The following MALT1 variants were observed in gnomAD, a reference collection of about 807,000 sequenced individuals.
MALT1 encodes MALT1 paracaspase.
A neutral mutation model predicts 85.5 loss-of-function variants in MALT1; 36 were observed. That is an observed-to-expected ratio of 0.42 (90% CI 0.32 to 0.56). The LOEUF (loss-of-function observed/expected upper bound fraction) is 0.56. Ranked by LOEUF, MALT1 falls within the 20% of genes least tolerant of loss-of-function variation. The probability of loss-of-function intolerance (pLI) is 0.10; values close to 1 mark genes in which losing one functional copy is unlikely to be tolerated. For missense variants in MALT1, 716 were observed against 981.6 expected, an observed-to-expected ratio of 0.73 and a Z score of 3.62; for synonymous variants, 359 against 361.3, an observed-to-expected ratio of 0.99 and a Z score of 0.07.
intron 9 of MALT1, among the ~76,000 whole-genome samples, chr18:58,718,508 C>T (rs2054935654): frequency 6.6e-6 from 1 of 152,146 alleles, no homozygotes; most frequent in Non-Finnish European, 1.5e-5. Flanking sequence ...CCCTATTGTG[C>T]ACTCCTTAGG....
rs573428123 is a variant in MALT1 at position 58,720,097 on chromosome 18, ATTC to A, written c.1019-2948_1019-2946del. Among the ~76,000 whole-genome samples, 566 of 152,304 alleles carry A rather than the reference ATTC, an allele frequency of 3.7e-3. 4 individuals carry two copies. Among genetic ancestry groups the A allele is most frequent in the African/African-American group, 0.013 (552 of 41,566 alleles). Reference sequence around the variant, plus strand: ...AATGTCTTTCTGAAGTGGCTTCATTATTCTTTTGCTGAATCCACTGGCATTTTT... The same window carrying A: ...AATGTCTTTCTGAAGTGGCTTCATTATTTTGCTGAATCCACTGGCATTTTT... On this transcript the variant is annotated intron_variant, in intron 9 of 16. Coordinates refer to ENST00000649217, the MANE Select transcript of MALT1 (RefSeq NM_006785.4).
At chr18:58,682,788 C>G (rs2054341262) in intron 2 of MALT1, among the ~76,000 whole-genome samples, 1 of 152,170 alleles carries the variant, frequency 6.6e-6, no homozygotes, top group South Asian at 2.1e-4. Flanking sequence ...ATGGAAAGGG[C>G]CCTGGATTAT....
intron 1 of MALT1, among the ~76,000 whole-genome samples, 196 bp downstream of exon 1, chr18:58,672,048 G>A (rs1335322516): frequency 6.6e-6 from 1 of 152,204 alleles, no homozygotes; most frequent in African/African-American, 2.4e-5. Flanking sequence ...TGAGAGCGGG[G>A]CCCAGGGCTC....
Position 58,689,829 on chromosome 18 carries a change from G to A in MALT1, c.377-6537G>A, listed in dbSNP as rs955749267. On this transcript the variant is annotated intron_variant, in intron 2 of 16. Transcript: ENST00000649217. ...TGGCGGTTGCGGGGGATGGCAAAGC[G>A]GAGCTTGTGGGGAGAACCCAGCAGA... Among the ~76,000 whole-genome samples the A allele has an allele frequency of 2.3e-4, 35 of 152,184 alleles. 1 individual carries two copies. Among genetic ancestry groups the A allele is most frequent in the African/African-American group, 1.2e-4 (5 of 41,444 alleles).
chr18:58,703,732 T>C (rs953112857), intron 4 of MALT1, among the ~76,000 whole-genome samples: 4 of 152,320 alleles, frequency 2.6e-5, no homozygotes, highest in Non-Finnish European at 5.9e-5. Flanking sequence ...GGATTACAGT[T>C]CGAGATGAAA....
rs1213570087 is a variant in MALT1, at chr18:58,735,238, T to C, written c.1512T>C (p.Ser504=). ...QGAEAFEIQH[S]GLANGIFMKF... is the part of the protein sequence containing the mutation. ...CAGAAGCTTTTGAAATCCAGCATTCTGGATTGGCAAATGGAATCTTTATGA... is the reference window on the plus strand; with the variant it reads ...CAGAAGCTTTTGAAATCCAGCATTCCGGATTGGCAAATGGAATCTTTATGA... The change falls in exon 13 of 17, where the codon TCT becomes TCC. Residue 504 remains serine (S), a synonymous_variant. Coordinates refer to ENST00000649217, the MANE Select transcript of MALT1 (RefSeq NM_006785.4). The C allele has an allele frequency of 1.9e-6, 3 of 1,610,412 alleles. No individual in the cohort carries two copies. The highest frequency in any genetic ancestry group is 1.7e-6 in the Non-Finnish European group (2 of 1,179,426).
At chr18:58,742,700 G>A (rs948707301) in intron 14 of MALT1, among the ~76,000 whole-genome samples, 5 of 152,224 alleles carry the variant, frequency 3.3e-5, no homozygotes, top group South Asian at 2.1e-4. Flanking sequence ...GCGACAGAGC[G>A]AGACTCTGTC....
At chr18:58,723,770 A>G (rs1336365786) in intron 10 of MALT1, among the ~76,000 whole-genome samples, 1 of 152,234 alleles carries the variant, frequency 6.6e-6, no homozygotes, top group Non-Finnish European at 1.5e-5. Flanking sequence ...TTAAAGTTCT[A>G]TACAGATATG....
chr18:58,708,199 AG>A, intron 4 of MALT1, among the ~76,000 whole-genome samples: 1 of 152,292 alleles, frequency 6.6e-6, no homozygotes, highest in East Asian at 1.9e-4. Flanking sequence ...TGCACTTCAC[AG>A]GTGATCTTTT....
intron 10 of MALT1, among the ~76,000 whole-genome samples, chr18:58,729,004 TA>T (rs569061516): frequency 4.4e-4 from 67 of 152,298 alleles, no homozygotes; most frequent in African/African-American, 1.6e-3. Context: ...CCATTTCTAC[TA>T]AAAGTCAGAC....
chr18:58,720,061 T>C (rs1015439505), intron 9 of MALT1, among the ~76,000 whole-genome samples: 1 of 152,216 alleles, frequency 6.6e-6, no homozygotes, highest in African/African-American at 2.4e-5. Flanking sequence ...ACGTTTAGGA[T>C]CATGAGTTAA....
Position 58,751,451 on chromosome 18 carries a change from G to A in MALT1, c.*3609G>A, listed in dbSNP as rs951347568. On this transcript the variant is annotated 3_prime_UTR_variant, in exon 17 of 17. Transcript: ENST00000649217. The stretch of plus-strand genomic sequence containing the variant: ...TCTGTCGCCCAGGCTGGAGTGCAGC[G>A]ACATAGTCTCAGCTCACTGCAGCAT... 7 of 151,720 alleles carry A rather than the reference G, an allele frequency of 4.6e-5. No homozygotes were observed. Among genetic ancestry groups the A allele is most frequent in the African/African-American group, 9.7e-5 (4 of 41,306 alleles). 9.4% of individuals were successfully genotyped at this position (151,720 alleles called of 1,614,324 possible). A position where few individuals can be genotyped will look rare whatever the true frequency, so the allele number is the denominator to read the frequency against.
rs764691421 is a variant in MALT1, at chr18:58,710,963, G to A, written c.958+10G>A. 5.1e-6 allele frequency: 8 copies of A among 1,565,940 alleles called. No individual in the cohort carries two copies. In the East Asian group the frequency reaches 1.4e-4, roughly 28 times the overall value. ...GTGGAGTGCACTGAAGGTAGTGTAAGTCTTTGGTTTGAAACCAAATCTCCT... is the reference window on the plus strand; with the variant it reads ...GTGGAGTGCACTGAAGGTAGTGTAAATCTTTGGTTTGAAACCAAATCTCCT... On this transcript the variant is annotated intron_variant, in intron 7 of 16. Coordinates refer to ENST00000649217, the MANE Select transcript of MALT1 (RefSeq NM_006785.4).
intron 9 of MALT1, among the ~76,000 whole-genome samples, chr18:58,721,891 C>T (rs569626835): frequency 2.8e-4 from 43 of 152,320 alleles, no homozygotes; most frequent in South Asian, 1.9e-3. Flanking sequence ...TGGCCTGCGT[C>T]AGAGGGGGTG....
intron 15 of MALT1, among the ~76,000 whole-genome samples, chr18:58,744,822 G>GA (rs1350686753): frequency 6.6e-6 from 1 of 152,108 alleles, no homozygotes; most frequent in African/African-American, 2.4e-5. Flanking sequence ...ACTTATATTG[G>GA]AAACAGTAGT....
In MALT1 at chr18:58,671,829, G is replaced by C. The variant is rs1271926136; in HGVS notation, c.186G>C (p.Gly62=). 1.6e-6 allele frequency: 2 copies of C among 1,231,194 alleles called. No individual in the cohort carries two copies. Among genetic ancestry groups the C allele is most frequent in the Non-Finnish European group, 2.0e-6 (2 of 987,568 alleles). 76.3% of individuals were successfully genotyped at this position (1,231,194 alleles called of 1,614,324 possible). ...RGWRRLAELA[G]SRGRLRLSCL... is the part of the protein sequence containing the mutation. Reference sequence around the variant, plus strand: ...GGAGGAGACTGGCGGAGCTGGCGGGGAGTCGCGGGCGCCTCCGCCTCAGGT... The same window carrying C: ...GGAGGAGACTGGCGGAGCTGGCGGGCAGTCGCGGGCGCCTCCGCCTCAGGT... Residue 62 remains glycine, a synonymous_variant, in exon 1 of 17, where the codon GGG becomes GGC. Coordinates refer to ENST00000649217, the MANE Select transcript of MALT1 (RefSeq NM_006785.4).
chr18:58,691,330 C>T, intron 2 of MALT1: 1 of 846,534 alleles, frequency 1.2e-6, no homozygotes. Flanking sequence ...CAGCTGTGGG[C>T]CAAGATGATC....
Position 58,671,658 on chromosome 18 carries a change from G to A in MALT1, c.15G>A (p.Gly5=). 8.2e-7 allele frequency: 1 copy of A among 1,220,072 alleles called. No individual in the cohort carries two copies. Among genetic ancestry groups the A allele is most frequent in the Non-Finnish European group, 1.0e-6 (1 of 980,430 alleles). The allele number at this position is 1,220,072 out of a possible 1,614,324, so 75.6% of individuals were successfully genotyped here. A position where few individuals can be genotyped will look rare whatever the true frequency, so the allele number is the denominator to read the frequency against. The change falls in exon 1 of 17, where the codon GGG becomes GGA. Residue 5 remains glycine (G), a synonymous_variant. Coordinates refer to ENST00000649217, the MANE Select transcript of MALT1 (RefSeq NM_006785.4). ...CGGCGAGGGCCATGTCGCTGTTGGG[G>A]GACCCGCTACAGGCCCTGCCGCCCT... MSLL[G]DPLQALPPSA... is the part of the protein sequence containing the mutation.
chr18:58,678,701 A>G (rs1199799905), intron 1 of MALT1, among the ~76,000 whole-genome samples: 1 of 152,196 alleles, frequency 6.6e-6, no homozygotes, highest in Non-Finnish European at 1.5e-5. Flanking sequence ...TTTGTATTTT[A>G]CGAATTGTAA....
Sources: gnomAD v4.1 joint callset for allele counts (sites outside exome capture counted in the v4.1 genomes callset) on GRCh38, gnomAD v4.1.1 for gene constraint, MANE v1.5 for transcripts, NCBI Gene and HGNC (gene_info 2026-07-23, HGNC 2026-07-21) for gene names.